The following PCDH9 variants were observed in gnomAD, a reference collection of about 807,000 sequenced individuals.
PCDH9 encodes the protein protocadherin 9.
PCDH9 carries 24 observed loss-of-function variants against 70.6 expected under a neutral mutation model. The observed-to-expected ratio is 0.34, with a 90% CI of 0.25 to 0.48. The LOEUF is 0.48. Ranked by LOEUF, PCDH9 falls within the 20% of genes least tolerant of loss-of-function variation. The probability of loss-of-function intolerance (pLI) is 0.99; values close to 1 mark genes in which losing one functional copy is unlikely to be tolerated. For missense variants in PCDH9, 1,281 were observed against 1,503.6 expected (o/e 0.85, Z 2.45); for synonymous variants, 562 against 558.5 (o/e 1.01, Z -0.09).
At chr13:66,932,456 CA>C (rs2082827031) in intron 2 of PCDH9, among the ~76,000 whole-genome samples, 1 of 151,792 alleles carries the variant, frequency 6.6e-6, no homozygotes, top group Non-Finnish European at 1.5e-5. Flanking sequence ...TTTATATCAG[CA>C]AAATCAAATA....
chr13:67,019,816 C>T (rs545625343), intron 2 of PCDH9, among the ~76,000 whole-genome samples: 3 of 152,266 alleles, frequency 2.0e-5, no homozygotes, highest in Non-Finnish European at 2.9e-5. Flanking sequence ...ACTTCAAGGG[C>T]AGCAGAGGTG....
At chr13:66,579,343 CA>C (rs1178216735) in intron 4 of PCDH9, among the ~76,000 whole-genome samples, 4 of 152,006 alleles carry the variant, frequency 2.6e-5, no homozygotes, top group African/African-American at 9.7e-5. Context: ...AGTATATCAG[CA>C]GCTAAAATGC....
intron 4 of PCDH9, among the ~76,000 whole-genome samples, chr13:66,511,302 C>A (rs1181151481): frequency 1.3e-5 from 2 of 151,956 alleles, no homozygotes; most frequent in Non-Finnish European, 2.9e-5. Flanking sequence ...TTCACATATA[C>A]TTGGATTAGA....
chr13:66,817,550 T>A (rs1198188000), intron 3 of PCDH9, among the ~76,000 whole-genome samples: 2 of 151,956 alleles, frequency 1.3e-5, no homozygotes, highest in Non-Finnish European at 2.9e-5. Flanking sequence ...TATTTAATAC[T>A]TAGACTTTCT....
chr13:66,941,960 A>G (rs747015908), intron 2 of PCDH9, among the ~76,000 whole-genome samples: 4 of 151,958 alleles, frequency 2.6e-5, no homozygotes, highest in African/African-American at 4.8e-5. Flanking sequence ...TAACTCACAC[A>G]AAGTATATTA....
rs151235446 is a variant in PCDH9, at chr13:66,342,196, A to C, written c.3341-37168T>G. On this transcript the variant is annotated intron_variant, in intron 4 of 4. Coordinates refer to ENST00000377865, the MANE Select transcript of PCDH9 (RefSeq NM_203487.3). ...TAATGTGGAGCAGTTGCCACAAAAA[A>C]GTTGAGTCATCACTTAAGAACATGT... Among the ~76,000 whole-genome samples the C allele has an allele frequency of 3.3e-3, 508 of 152,360 alleles. 3 individuals carry two copies. Among genetic ancestry groups the C allele is most frequent in the African/African-American group, 0.012 (487 of 41,600 alleles).
At chr13:66,330,376 G>A (rs1458766831) in intron 4 of PCDH9, among the ~76,000 whole-genome samples, 1 of 152,220 alleles carries the variant, frequency 6.6e-6, no homozygotes, top group Admixed American at 6.5e-5. Flanking sequence ...GTCTATACAA[G>A]TGTCTGTCTC....
intron 2 of PCDH9, among the ~76,000 whole-genome samples, chr13:67,117,646 T>C (rs1265252854): frequency 6.6e-6 from 1 of 152,194 alleles, no homozygotes; most frequent in Non-Finnish European, 1.5e-5. Context: ...TATGAAATTA[T>C]ACTTAAATCC....
intron 3 of PCDH9, among the ~76,000 whole-genome samples, chr13:66,667,842 T>G (rs1265377889): frequency 2.0e-5 from 3 of 152,154 alleles, no homozygotes; most frequent in Non-Finnish European, 4.4e-5. Context: ...TAAATCAATC[T>G]TAATAAGTAT....
chr13:66,384,379 GTTAAAC>G (rs1956893866), intron 4 of PCDH9, among the ~76,000 whole-genome samples: 2 of 152,036 alleles, frequency 1.3e-5, no homozygotes, highest in African/African-American at 2.4e-5. Flanking sequence ...TATGATGAAT[GTTAAAC>G]TGTTTTTGTT....
chr13:66,998,906 C>T (rs544096933), intron 2 of PCDH9, among the ~76,000 whole-genome samples: 1 of 152,084 alleles, frequency 6.6e-6, no homozygotes, highest in East Asian at 1.9e-4. Flanking sequence ...TATTAAGGCT[C>T]AATTAAAAAA....
chr13:66,375,798 CCCTCAAGAAT>C (rs1179410816), intron 4 of PCDH9, among the ~76,000 whole-genome samples: 1 of 151,872 alleles, frequency 6.6e-6, no homozygotes, highest in Non-Finnish European at 1.5e-5. Context: ...GATATATTCC[CCCTCAAGAAT>C]GTATTTCCCC....
At chr13:66,737,333 A>G (rs1467273998) in intron 3 of PCDH9, among the ~76,000 whole-genome samples, 2 of 152,194 alleles carry the variant, frequency 1.3e-5, no homozygotes, top group African/African-American at 4.8e-5. Flanking sequence ...CCTTAGCAAT[A>G]GACCACTGGT....
At chr13:66,935,719 T>C (rs909197847) in intron 2 of PCDH9, among the ~76,000 whole-genome samples, 1 of 152,104 alleles carries the variant, frequency 6.6e-6, no homozygotes, top group Admixed American at 6.6e-5. Context: ...ACATGTTAAA[T>C]TATCATTAAA....
At chr13:67,201,014 G>T in intron 2 of PCDH9, 1 of 151,998 alleles carries the variant, frequency 6.6e-6, no homozygotes, top group East Asian at 1.9e-4. Context: ...TCTCAACACT[G>T]TACAAAACAA....
At chr13:66,434,930 G>T (rs551947370) in intron 4 of PCDH9, among the ~76,000 whole-genome samples, 3 of 151,964 alleles carry the variant, frequency 2.0e-5, no homozygotes, top group Non-Finnish European at 4.4e-5. Context: ...CATTAGAAGA[G>T]CCCAAAGAAG....
intron 4 of PCDH9, among the ~76,000 whole-genome samples, chr13:66,327,656 G>C (rs1955871468): frequency 6.6e-6 from 1 of 152,172 alleles, no homozygotes. Flanking sequence ...TATTATAGGA[G>C]TGGACATTGG....
intron 4 of PCDH9, among the ~76,000 whole-genome samples, chr13:66,517,077 G>A (rs1403999208): frequency 6.6e-6 from 1 of 152,028 alleles, no homozygotes; most frequent in Non-Finnish European, 1.5e-5. Flanking sequence ...AGATATGTAG[G>A]CCAGTAGACA....
intron 2 of PCDH9, among the ~76,000 whole-genome samples, chr13:66,977,958 A>T (rs2139762308): frequency 6.6e-6 from 1 of 152,268 alleles, no homozygotes; most frequent in South Asian, 2.1e-4. Flanking sequence ...AGATGTTAAT[A>T]ATGTTAAGTG....
Sources: gnomAD v4.1 joint callset for allele counts (sites outside exome capture counted in the v4.1 genomes callset) on GRCh38, gnomAD v4.1.1 for gene constraint, MANE v1.5 for transcripts, NCBI Gene and HGNC (gene_info 2026-07-23, HGNC 2026-07-21) for gene names.